Variants in CDK17 observed in about 807,000 individuals in gnomAD.
CDK17 encodes cyclin dependent kinase 17, also known as cyclin-dependent kinase 17.
In CDK17, 24 loss-of-function variants were observed where a neutral mutation model predicts 77.6. The ratio of observed to expected loss-of-function variants is 0.31; its 90% CI spans 0.22 to 0.44. The LOEUF is 0.44. Ranked by LOEUF, CDK17 falls within the 20% of genes least tolerant of loss-of-function variation. The probability of loss-of-function intolerance (pLI) is 1.00; values close to 1 mark genes in which losing one functional copy is unlikely to be tolerated. For synonymous variants in CDK17, 203 were observed against 210.4 expected (o/e 0.96, Z 0.30); for missense variants, 429 against 622.5 (o/e 0.69, Z 3.31).
intron 1 of CDK17, among the ~76,000 whole-genome samples, chr12:96,365,437 A>G (rs1007984947): frequency 1.3e-5 from 2 of 152,224 alleles, no homozygotes; most frequent in Non-Finnish European, 2.9e-5. Context: ...GTAAACCCTG[A>G]TAAGACAAAA....
At chr12:96,304,298 G>A (rs993009005) in intron 5 of CDK17, among the ~76,000 whole-genome samples, 7 of 152,254 alleles carry the variant, frequency 4.6e-5, no homozygotes, top group East Asian at 1.9e-4. Flanking sequence ...CAGCACTTTC[G>A]GAGGCCGAGA....
chr12:96,282,502 C>A lies in CDK17; in HGVS notation c.1456+7G>T, dbSNP rs1435292781. On this transcript the variant is annotated splice_region_variant and intron_variant, in intron 15 of 16. Transcript: ENST00000261211. ...AAGCAGGGAAAACACTTTAGGATTT[C>A]TCTTACTTTCTGGTAAAGCATGTAT... The A allele has an allele frequency of 6.3e-7, 1 of 1,577,416 alleles. No homozygotes were observed. The highest frequency in any genetic ancestry group is 1.1e-5 in the South Asian group (1 of 90,200).
chr12:96,346,003 T>G (rs150939946), intron 1 of CDK17, among the ~76,000 whole-genome samples: 2 of 152,366 alleles, frequency 1.3e-5, no homozygotes, highest in African/African-American at 4.8e-5. Flanking sequence ...CAGACTGGAT[T>G]TTTTAAAAAC....
intron 13 of CDK17, among the ~76,000 whole-genome samples, chr12:96,284,709 C>T (rs558839673): frequency 5.9e-5 from 9 of 151,766 alleles, no homozygotes; most frequent in African/African-American, 1.9e-4. Flanking sequence ...GGATTACAGG[C>T]ATGCACCACC....
intron 3 of CDK17, among the ~76,000 whole-genome samples, chr12:96,317,941 C>T (rs1253555551): frequency 6.7e-6 from 1 of 150,358 alleles, no homozygotes; most frequent in Non-Finnish European, 1.5e-5. Context: ...CAAATTCACA[C>T]ATAACAATAT....
At chr12:96,372,339 G>T (rs1443230514) in intron 1 of CDK17, among the ~76,000 whole-genome samples, 2 of 152,030 alleles carry the variant, frequency 1.3e-5, no homozygotes, top group Admixed American at 1.3e-4. Context: ...TATTGAAAAG[G>T]CCTCAAAATA....
In CDK17 at chr12:96,280,799, C is replaced by A. The variant is rs1472498163; in HGVS notation, c.1534+9G>T. 6.2e-7 allele frequency: 1 copy of A among 1,613,512 alleles called. No individual in the cohort carries two copies. The highest frequency in any genetic ancestry group is 8.5e-7 in the Non-Finnish European group (1 of 1,179,874). ...GATCGACACGTGAAATGGTTTATGA[C>A]AAACACACCTGTCTCTGGATAAGAA... On this transcript the variant is annotated intron_variant, in intron 16 of 16. Transcript: ENST00000261211.
chr12:96,333,851 G>A (rs1343064506), intron 2 of CDK17, among the ~76,000 whole-genome samples: 1 of 152,100 alleles, frequency 6.6e-6, no homozygotes, highest in African/African-American at 2.4e-5. Context: ...AAGGAAATAA[G>A]AAAACTGAAG....
chr12:96,353,605 CG>C (rs11369777), intron 1 of CDK17, among the ~76,000 whole-genome samples: 2,277 of 140,940 alleles, frequency 0.016, 62 homozygotes, highest in Middle Eastern at 0.032. Flanking sequence ...TAAAAGGTGG[CG>C]GGGGGGGGCG....
In CDK17 at chr12:96,334,841, T is replaced by A. The variant is rs1953020293; in HGVS notation, c.-5A>T. 3 of 1,432,508 alleles carry A rather than the reference T, an allele frequency of 2.1e-6. No individual in the cohort carries two copies. The highest frequency in any genetic ancestry group is 2.3e-5 in the South Asian group (2 of 87,146). 88.7% of individuals were successfully genotyped at this position (1,432,508 alleles called of 1,614,324 possible). A position where few individuals can be genotyped will look rare whatever the true frequency, so the allele number is the denominator to read the frequency against. On this transcript the variant is annotated 5_prime_UTR_variant, in exon 2 of 17. Transcript: ENST00000261211. ...CCTTCTCTTAAATTTTTTCATCCTA[T>A]CAATTGAATGTGGCTTGAAAAATCC...
chr12:96,371,192 T>G (rs555406548), intron 1 of CDK17, among the ~76,000 whole-genome samples: 210 of 152,006 alleles, frequency 1.4e-3, no homozygotes, highest in African/African-American at 4.7e-3. Context: ...TGTGTATTTC[T>G]AAATTAACAT....
At chr12:96,291,168 C>CTA (rs1700645644) in intron 10 of CDK17, among the ~76,000 whole-genome samples, 1 of 148,782 alleles carries the variant, frequency 6.7e-6, no homozygotes, top group Non-Finnish European at 1.5e-5. Flanking sequence ...ATTGAATATA[C>CTA]TATCTCATGG....
At chr12:96,286,380 A>G (rs1401016356) in intron 12 of CDK17, among the ~76,000 whole-genome samples, 4 of 151,952 alleles carry the variant, frequency 2.6e-5, no homozygotes, top group Non-Finnish European at 5.9e-5. Flanking sequence ...TATCCAGTTG[A>G]TACCAAAAAA....
intron 1 of CDK17, among the ~76,000 whole-genome samples, chr12:96,389,557 A>T (rs1394849090): frequency 2.0e-5 from 3 of 152,146 alleles, no homozygotes; most frequent in Non-Finnish European, 4.4e-5. Context: ...ATGGGCAAAA[A>T]TTATTGCAAC....
intron 1 of CDK17, among the ~76,000 whole-genome samples, chr12:96,356,504 CA>C (rs1953397124): frequency 6.6e-6 from 1 of 152,178 alleles, no homozygotes; most frequent in African/African-American, 2.4e-5. Flanking sequence ...CTCCTGAACT[CA>C]AGCAATCCTC....
intron 4 of CDK17, 46 bp downstream of exon 4, chr12:96,313,275 C>T (rs772175811): frequency 6.8e-7 from 1 of 1,472,310 alleles, no homozygotes; most frequent in Non-Finnish European, 9.2e-7. Flanking sequence ...TTAACATATA[C>T]CAACACACAT....
intron 1 of CDK17, among the ~76,000 whole-genome samples, chr12:96,356,220 C>G (rs1449833487): frequency 6.6e-6 from 1 of 152,102 alleles, no homozygotes; most frequent in African/African-American, 2.4e-5. Flanking sequence ...ATTTCAAAGG[C>G]CAAAAATTCA....
At position 96,348,536 on chromosome 12, in the gene CDK17, A is replaced by C. The variant is rs559633507; in HGVS notation, c.-29-13671T>G. Among the ~76,000 whole-genome samples, 238 of 151,250 alleles carry C rather than the reference A, an allele frequency of 1.6e-3. 1 individual carries two copies. The highest frequency in any genetic ancestry group is 3.4e-3 in the Middle Eastern group (1 of 294). ...GAGACTCTGTCTCAAAAAAAAAAAA[A>C]AAAAAACAAAAAAGAAAAAAAAAAT... On this transcript the variant is annotated intron_variant, in intron 1 of 16. Coordinates refer to ENST00000261211, the MANE Select transcript of CDK17 (RefSeq NM_002595.5).
chr12:96,379,377 CTGATATTT>C (rs1953838237), intron 1 of CDK17, among the ~76,000 whole-genome samples: 4 of 152,054 alleles, frequency 2.6e-5, no homozygotes, highest in Non-Finnish European at 5.9e-5. Context: ...ATAAGATATG[CTGATATTT>C]ATAGTTAAAC....
Sources: allele counts gnomAD v4.1 joint callset (sites outside exome capture counted in the v4.1 genomes callset), GRCh38; gene constraint gnomAD v4.1.1; transcripts MANE v1.5; gene names NCBI Gene and HGNC (gene_info 2026-07-23, HGNC 2026-07-21).